Variants in GAB4 observed in about 807,000 individuals in gnomAD.
GAB4 encodes GRB2 associated binding protein family member 4, also known as GRB2-associated-binding protein 4.
Under a neutral mutation model 51.3 loss-of-function variants are expected in GAB4, and 26 were observed. The observed-to-expected ratio is 0.51, with a 90% CI of 0.37 to 0.70. The LOEUF (loss-of-function observed/expected upper bound fraction) is 0.70. Ranked by LOEUF, GAB4 falls within the 30% of genes least tolerant of loss-of-function variation. The pLI is 0.00. For missense variants in GAB4, 759 were observed against 734.6 expected (o/e 1.03, Z -0.38); for synonymous variants, 329 against 291.2 (o/e 1.13, Z -1.32).
chr22:17,007,928 C>CT lies in GAB4; in HGVS notation c.174+12dup. Reference sequence around the variant, plus strand: ...CGTGGCGCTCCTGGTACCGCCCCCACTGCCCCACTCACAAAGAGCCTCAGC... The same window carrying CT: ...CGTGGCGCTCCTGGTACCGCCCCCACTTGCCCCACTCACAAAGAGCCTCAGC... On this transcript the variant is annotated intron_variant, in intron 1 of 9. Transcript: ENST00000400588. 6.8e-7 allele frequency: 1 copy of CT among 1,469,570 alleles called. No individual in the cohort carries two copies. The highest frequency in any genetic ancestry group is 1.2e-5 in the South Asian group (1 of 84,212). 91.0% of individuals were successfully genotyped at this position (1,469,570 alleles called of 1,614,324 possible). A position where few individuals can be genotyped will look rare whatever the true frequency, so the allele number is the denominator to read the frequency against.
intron 1 of GAB4, among the ~76,000 whole-genome samples, chr22:16,995,168 T>C (rs1017963661): frequency 7.2e-5 from 11 of 152,076 alleles, no homozygotes; most frequent in African/African-American, 2.7e-4. Context: ...CCAATATTGC[T>C]TTACGTGTAG....
In GAB4 at chr22:16,975,737, G is replaced by A. The variant is rs117329663; in HGVS notation, c.687-5544C>T. Among the ~76,000 whole-genome samples the A allele has an allele frequency of 2.1e-3, 316 of 152,296 alleles. 9 individuals carry two copies. The East Asian group carries it at 0.049, about 23-fold the overall frequency. ...CTGGAGAAACCTCCCAGCAGGCATC[G>A]ACAGACACCTCATACAGGAGAGCTC... is the stretch of plus-strand genomic sequence containing the variant. On this transcript the variant is annotated intron_variant, in intron 3 of 9. Transcript: ENST00000400588.
chr22:16,974,200 T>A (rs1230976482), intron 3 of GAB4, among the ~76,000 whole-genome samples: 1 of 152,210 alleles, frequency 6.6e-6, no homozygotes, highest in Non-Finnish European at 1.5e-5. Context: ...ATGTCCTGCA[T>A]TGCTTTTGTT....
intron 5 of GAB4, 74 bp from the exon 6 acceptor site, chr22:16,966,438 G>A (rs910663475): frequency 2.0e-6 from 3 of 1,466,814 alleles, no homozygotes; most frequent in Middle Eastern, 1.8e-4. Flanking sequence ...TTCTAGACAA[G>A]GCCAAAAAGA....
intron 8 of GAB4, among the ~76,000 whole-genome samples, chr22:16,964,484 C>T (rs1281042524): frequency 6.6e-6 from 1 of 152,204 alleles, no homozygotes; most frequent in Non-Finnish European, 1.5e-5. Context: ...TCCAACTCTG[C>T]CTCTTCCAGG....
At chr22:16,983,391 C>A (rs1257309303) in intron 3 of GAB4, among the ~76,000 whole-genome samples, 2 of 152,128 alleles carry the variant, frequency 1.3e-5, no homozygotes, top group Admixed American at 1.3e-4. Flanking sequence ...CTAAAGAAAT[C>A]TGCAGAGTCA....
chr22:16,977,239 G>A (rs952416335), intron 3 of GAB4, among the ~76,000 whole-genome samples: 4 of 151,948 alleles, frequency 2.6e-5, no homozygotes, highest in African/African-American at 9.7e-5. Context: ...ATTGGATAAA[G>A]AGTCAAGACC....
chr22:16,968,009 G>T (rs2123648453), intron 5 of GAB4, among the ~76,000 whole-genome samples: 1 of 152,244 alleles, frequency 6.6e-6, no homozygotes, highest in African/African-American at 2.4e-5. Context: ...ATGGGTTAGA[G>T]CACCTGCTTA....
chr22:16,981,908 A>G (rs1369651670), intron 3 of GAB4, among the ~76,000 whole-genome samples: 1 of 152,218 alleles, frequency 6.6e-6, no homozygotes, highest in Non-Finnish European at 1.5e-5. Context: ...GGTTCAACAT[A>G]TGCAAAGAAA....
chr22:16,969,821 C>T (rs916793827), intron 4 of GAB4, 122 bp downstream of exon 4: 3 of 1,225,352 alleles, frequency 2.4e-6, no homozygotes, highest in Non-Finnish European at 3.5e-6. Flanking sequence ...TCTTGTCTAA[C>T]GTGACTGTCC....
At chr22:16,984,916 C>T (rs1241306783) in intron 3 of GAB4, among the ~76,000 whole-genome samples, 3 of 152,178 alleles carry the variant, frequency 2.0e-5, no homozygotes, top group Admixed American at 6.5e-5. Flanking sequence ...TAACCACTGG[C>T]CCCACTGTGC....
chr22:16,980,032 CG>C (rs1382565805), intron 3 of GAB4, among the ~76,000 whole-genome samples: 1 of 152,056 alleles, frequency 6.6e-6, no homozygotes, highest in African/African-American at 2.4e-5. Context: ...CAGACTTAAA[CG>C]TAAGACCTAA....
chr22:17,004,480 G>A (rs750001618), intron 1 of GAB4, among the ~76,000 whole-genome samples: 6 of 152,128 alleles, frequency 3.9e-5, no homozygotes, highest in Admixed American at 6.5e-5. Context: ...TATCAATCAC[G>A]ATCAAGTCGA....
intron 4 of GAB4, chr22:16,969,522 T>C (rs2060711510): frequency 1.0e-5 from 5 of 480,614 alleles, no homozygotes; most frequent in Non-Finnish European, 3.6e-6. Context: ...CAAGTCTCCC[T>C]TGGCCATGGG....
At chr22:17,007,863 G>A (rs1483013914) in intron 1 of GAB4, 78 bp downstream of exon 1, 2 of 1,370,970 alleles carry the variant, frequency 1.5e-6, no homozygotes, top group African/African-American at 1.5e-5. Flanking sequence ...GTGGACCCAG[G>A]CCGCCTCCCC....
chr22:16,992,612 A>G (rs1275364401), intron 1 of GAB4, among the ~76,000 whole-genome samples: 1 of 152,220 alleles, frequency 6.6e-6, no homozygotes, highest in Non-Finnish European at 1.5e-5. Context: ...AAGTAGCAGA[A>G]AAACATGTTT....
At chr22:16,970,220 C>T (rs1405811079) in intron 3 of GAB4, 27 bp from the exon 4 acceptor site, 1 of 1,612,590 alleles carries the variant, frequency 6.2e-7, no homozygotes, top group Non-Finnish European at 8.5e-7. Context: ...AGGGAAGGGG[C>T]AGGGGTGAGA....
At chr22:16,990,538 T>C (rs2060905142) in intron 2 of GAB4, among the ~76,000 whole-genome samples, 1 of 152,022 alleles carries the variant, frequency 6.6e-6, no homozygotes, top group Non-Finnish European at 1.5e-5. Context: ...CCACTAACCC[T>C]GTCCTGTCAC....
chr22:16,987,205 T>C (rs1171054212), intron 3 of GAB4, among the ~76,000 whole-genome samples: 1 of 152,240 alleles, frequency 6.6e-6, no homozygotes, highest in Non-Finnish European at 1.5e-5. Context: ...CCAAGGAATG[T>C]GACTGTGATC....
Sources: gnomAD v4.1 joint callset for allele counts (sites outside exome capture counted in the v4.1 genomes callset) on GRCh38, gnomAD v4.1.1 for gene constraint, MANE v1.5 for transcripts, NCBI Gene and HGNC (gene_info 2026-07-23, HGNC 2026-07-21) for gene names.